IRGQ: variants seen among roughly 807,000 people sequenced by gnomAD.
IRGQ encodes the protein immunity related GTPase Q.
IRGQ carries 5 observed loss-of-function variants against 10.5 expected under a neutral mutation model. The ratio of observed to expected loss-of-function variants is 0.48; its 90% confidence interval spans 0.25 to 1.00. IRGQ has a LOEUF of 1.00. IRGQ is among the 50% of genes least tolerant of loss of function. The pLI is 0.16. For missense variants in IRGQ, 792 were observed against 877.7 expected (o/e 0.90, Z 1.23); for synonymous variants, 418 against 426.0 (o/e 0.98, Z 0.23).
rs961557464 is a variant in IRGQ, at chr19:43,588,132, C to T, written c.*3894G>A. The T allele has an allele frequency of 1.3e-5, 2 of 152,058 alleles. No individual in the cohort carries two copies. The highest frequency in any genetic ancestry group is 2.9e-5 in the Non-Finnish European group (2 of 68,034). 9.4% of individuals were successfully genotyped at this position (152,058 alleles called of 1,614,324 possible). ...CCAACATGGTGAAACCCCATCTCTA[C>T]TAAAAATACAAAAATTAGGACGGGT... On this transcript the variant is annotated 3_prime_UTR_variant, in exon 3 of 3. Transcript: ENST00000422989.
chr19:43,594,790 C>T lies in IRGQ; in HGVS notation c.530+19G>A. 2 of 1,579,734 alleles carry T rather than the reference C, an allele frequency of 1.3e-6. No individual in the cohort carries two copies. The highest frequency in any genetic ancestry group is 1.1e-5 in the South Asian group (1 of 87,560). On this transcript the variant is annotated intron_variant, in intron 2 of 2. Transcript: ENST00000422989. ...CTAGGGTCTCGACTAACGGACCCAG[C>T]CAGAAAGCCGGCACTCACCTCCGCA...
At chr19:43,595,402 C>T in intron 1 of IRGQ, 62 bp from the exon 2 acceptor site, 1 of 1,458,372 alleles carries the variant, frequency 6.9e-7, no homozygotes, top group Non-Finnish European at 9.1e-7. Flanking sequence ...CCTTTCCTAG[C>T]CGCCCCACTC....
In IRGQ at chr19:43,592,326, G is replaced by A. The variant is rs776066130; in HGVS notation, c.1572C>T (p.Pro524=). Residue 524 remains proline (P), a synonymous_variant, in exon 3 of 3, where the codon CCC becomes CCT. Transcript: ENST00000422989. The stretch of plus-strand genomic sequence containing the variant: ...CACGCTCACGTCGAGCCAGTGCCGT[G>A]GGTTCCAGCCCCAGGCCCCGTCGCC... ...AEWRRGLGLE[P]TALARRERAL... The A allele has an allele frequency of 3.2e-6, 5 of 1,571,338 alleles. No individual in the cohort carries two copies. The African/African-American group carries it at 5.4e-5, about 17-fold the overall frequency.
In IRGQ at chr19:43,587,450, G is replaced by A. The variant is rs903123314; in HGVS notation, c.*4576C>T. ...ACTATTATATAATTGGAACAACTTG[G>A]ATATGTGAATCTACTTCTCCAACTA... On this transcript the variant is annotated 3_prime_UTR_variant, in exon 3 of 3. Transcript: ENST00000422989. The A allele has an allele frequency of 6.6e-6, 1 of 152,122 alleles. No homozygotes were observed. The highest frequency in any genetic ancestry group is 2.4e-5 in the African/African-American group (1 of 41,410). 9.4% of individuals were successfully genotyped at this position (152,122 alleles called of 1,614,324 possible).
rs1377066646 is a variant in IRGQ at position 43,590,935 on chromosome 19, T to C, written c.*1091A>G. On this transcript the variant is annotated 3_prime_UTR_variant, in exon 3 of 3. Transcript: ENST00000422989. The stretch of plus-strand genomic sequence containing the variant: ...GCCCTTCCACACCCAAAAGACCTCA[T>C]TCCTGGTCCCTGGCTACTCCCAGAG... 1 of 152,138 alleles carries C rather than the reference T, an allele frequency of 6.6e-6. No individual in the cohort carries two copies. Among genetic ancestry groups the C allele is most frequent in the African/African-American group, 2.4e-5 (1 of 41,384 alleles). 9.4% of individuals were successfully genotyped at this position (152,138 alleles called of 1,614,324 possible).
rs10682090 is a variant in IRGQ, at chr19:43,591,855, GA to G, written c.*170del. The stretch of plus-strand genomic sequence containing the variant: ...AAGAGACTTCGTCTCACAAAAAAAA[GA>G]AAAAAAAAAAAAAAAATCAGGATTC... On this transcript the variant is annotated 3_prime_UTR_variant, in exon 3 of 3. Transcript: ENST00000422989. The G allele has an allele frequency of 0.063, 29,315 of 467,736 alleles. 334 individuals are homozygous for G. The highest frequency in any genetic ancestry group is 0.15 in the African/African-American group (6,466 of 43,670). The allele number at this position is 467,736 out of a possible 1,614,324, so 29.0% of individuals were successfully genotyped here.
At chr19:43,594,520 G>T (rs1973102773) in intron 2 of IRGQ, among the ~76,000 whole-genome samples, 2 of 151,924 alleles carry the variant, frequency 1.3e-5, no homozygotes, top group South Asian at 4.2e-4. Flanking sequence ...TCCAGCCTGG[G>T]CGACAGAGTG....
rs1400685935 is a variant in IRGQ at position 43,595,265 on chromosome 19, GC to G, written c.73del (p.Ala25GlnfsTer25). 2 of 1,608,718 alleles carry G rather than the reference GC, an allele frequency of 1.2e-6. No individual in the cohort carries two copies. Among genetic ancestry groups the G allele is most frequent in the Non-Finnish European group, 1.7e-6 (2 of 1,178,240 alleles). On this transcript the variant is annotated frameshift_variant, in exon 2 of 3. Transcript: ENST00000422989. LOFTEE classifies it high-confidence loss of function. Reference protein sequence around the residue: ...PPGLGKSALIAALCDKDVETL... With the variant: ...PPGLGKSALIXALCDKDVETL... ...CTCCACATCCTTGTCGCACAGCGCT[GC>G]GATCAGCGCGGACTTCCCCAAGCCC...
intron 1 of IRGQ, chr19:43,595,643 CG>C: frequency 4.0e-6 from 1 of 249,772 alleles, no homozygotes; most frequent in Non-Finnish European, 7.6e-6. Flanking sequence ...GCCGGAGGAT[CG>C]CTTGAGGCCA....
intron 1 of IRGQ, among the ~76,000 whole-genome samples, chr19:43,595,747 G>A (rs1266459425): frequency 6.6e-6 from 1 of 151,898 alleles, no homozygotes; most frequent in African/African-American, 2.4e-5. Flanking sequence ...GCATGGTGGT[G>A]TGCGCCTGTA....
Position 43,585,020 on chromosome 19 carries a change from G to C in IRGQ, c.*7006C>G, listed in dbSNP as rs1427341300. The C allele has an allele frequency of 6.6e-6, 1 of 152,200 alleles. No homozygotes were observed. Among genetic ancestry groups the C allele is most frequent in the Non-Finnish European group, 1.5e-5 (1 of 68,152 alleles). 9.4% of individuals were successfully genotyped at this position (152,200 alleles called of 1,614,324 possible). A position where few individuals can be genotyped will look rare whatever the true frequency, so the allele number is the denominator to read the frequency against. On this transcript the variant is annotated 3_prime_UTR_variant, in exon 3 of 3. Coordinates refer to ENST00000422989, the MANE Select transcript of IRGQ (RefSeq NM_001007561.3). ...CACACCACCACATCTGGCTAATTCT[G>C]TTGTTGTTGCTTTTTTGTAGAGATG...
In IRGQ at chr19:43,592,614, C is replaced by A. The variant is rs749810122; in HGVS notation, c.1284G>T (p.Pro428=). Residue 428 remains proline (P), a synonymous_variant, in exon 3 of 3, where the codon CCG becomes CCT. Transcript: ENST00000422989. Reference sequence around the variant, plus strand: ...CAGGCCGTAGGGGGAACACTGGCGGCGGCGCCTCCTCCAGCACCTCCCACG... The same window carrying A: ...CAGGCCGTAGGGGGAACACTGGCGGAGGCGCCTCCTCCAGCACCTCCCACG... ...DETWEVLEEA[P]PPVFPLRPGG... is the part of the protein sequence containing the mutation. 6.2e-7 allele frequency: 1 copy of A among 1,601,510 alleles called. No individual in the cohort carries two copies. Among genetic ancestry groups the A allele is most frequent in the Non-Finnish European group, 8.5e-7 (1 of 1,179,864 alleles).
At chr19:43,594,682 A>G (rs566198325) in intron 2 of IRGQ, 127 bp downstream of exon 2, 1 of 690,696 alleles carries the variant, frequency 1.4e-6, no homozygotes, top group East Asian at 3.1e-5. Context: ...GAAAAAAAAA[A>G]AAATAATAAT....
chr19:43,594,478 G>A (rs1245816413), intron 2 of IRGQ, among the ~76,000 whole-genome samples: 3 of 152,000 alleles, frequency 2.0e-5, no homozygotes, highest in African/African-American at 7.3e-5. Flanking sequence ...GGAGGTGGAG[G>A]CCGTCAGTGA....
rs1254472328 is a variant in IRGQ, at chr19:43,584,413, C to G, written c.*7613G>C. On this transcript the variant is annotated 3_prime_UTR_variant, in exon 3 of 3. Transcript: ENST00000422989. ...TATTTTCACAACTCTATGTCATAGG[C>G]ACTATTATTCACATCTCTGTTTTCA... is the stretch of plus-strand genomic sequence containing the variant. 1 of 152,170 alleles carries G rather than the reference C, an allele frequency of 6.6e-6. No homozygotes were observed. The highest frequency in any genetic ancestry group is 1.5e-5 in the Non-Finnish European group (1 of 68,034). The allele number at this position is 152,170 out of a possible 1,614,324, so 9.4% of individuals were successfully genotyped here.
chr19:43,595,668 A>G, intron 1 of IRGQ: 1 of 225,236 alleles, frequency 4.4e-6, no homozygotes, highest in Non-Finnish European at 8.6e-6. Flanking sequence ...ATTCGAGACC[A>G]GCCTGGCCAA....
chr19:43,592,415 C>T lies in IRGQ; in HGVS notation c.1483G>A (p.Ala495Thr). 1 of 1,567,728 alleles carries T rather than the reference C, an allele frequency of 6.4e-7. No homozygotes were observed. Among genetic ancestry groups the T allele is most frequent in the Non-Finnish European group, 8.6e-7 (1 of 1,164,278 alleles). The part of the protein sequence containing the change: ...ALLASLAAAA[A>T]PLPGLGWACD... ...GCCCAGCCCAGCCCTGGGAGTGGTGCCGCCGCCGCCGCCAGACTAGCCAGC... is the reference window on the plus strand; with the variant it reads ...GCCCAGCCCAGCCCTGGGAGTGGTGTCGCCGCCGCCGCCAGACTAGCCAGC... The change falls in exon 3 of 3, where the codon GCA becomes ACA. Residue 495 changes from alanine to threonine, a missense_variant. Physicochemically the swap from Ala to Thr is moderately conservative, Grantham distance 58 (BLOSUM62 0). Coordinates refer to ENST00000422989, the MANE Select transcript of IRGQ (RefSeq NM_001007561.3).
chr19:43,592,987 G>A lies in IRGQ; in HGVS notation c.911C>T (p.Thr304Ile), dbSNP rs776277287. The A allele has an allele frequency of 4.4e-6, 7 of 1,608,746 alleles. 1 individual carries two copies. The Admixed American group carries it at 6.7e-5, about 15-fold the overall frequency. The change falls in exon 3 of 3, where the codon ACC (threonine) becomes ATC (isoleucine). Residue 304 changes from threonine to isoleucine, a missense_variant. By Grantham distance (89) the Thr-to-Ile change is moderately conservative. Transcript: ENST00000422989. ...PTHYDALILV[T>I]PGAPTEKDWA... ...GTCCTTCTCAGTGGGGGCCCCAGGGGTGACGAGGATGAGGGCGTCGTAGTG... is the reference window on the plus strand; with the variant it reads ...GTCCTTCTCAGTGGGGGCCCCAGGGATGACGAGGATGAGGGCGTCGTAGTG...
rs1427319127 is a variant in IRGQ, at chr19:43,586,840, T to G, written c.*5186A>C. 6.6e-6 allele frequency: 1 copy of G among 152,120 alleles called. No individual in the cohort carries two copies. Among genetic ancestry groups the G allele is most frequent in the East Asian group, 1.9e-4 (1 of 5,202 alleles). The allele number at this position is 152,120 out of a possible 1,614,324, so 9.4% of individuals were successfully genotyped here. A position where few individuals can be genotyped will look rare whatever the true frequency, so the allele number is the denominator to read the frequency against. ...CATAACCATGTGAGGTAGATGCCATTTGTAGAGTGACTTGCCCAAGTCAGT... is the reference window on the plus strand; with the variant it reads ...CATAACCATGTGAGGTAGATGCCATGTGTAGAGTGACTTGCCCAAGTCAGT... On this transcript the variant is annotated 3_prime_UTR_variant, in exon 3 of 3. Coordinates refer to ENST00000422989, the MANE Select transcript of IRGQ (RefSeq NM_001007561.3).
Sources: allele counts gnomAD v4.1 joint callset (sites outside exome capture counted in the v4.1 genomes callset), GRCh38; gene constraint gnomAD v4.1.1; transcripts MANE v1.5; gene names NCBI Gene and HGNC (gene_info 2026-07-23, HGNC 2026-07-21).